The following LMCD1 variants were observed in gnomAD, a reference collection of about 807,000 sequenced individuals.
LMCD1 encodes LIM and cysteine rich domains 1, also known as LIM and cysteine-rich domains protein 1.
A neutral mutation model predicts 42.7 loss-of-function variants in LMCD1; 32 were observed. That is an observed-to-expected ratio of 0.75 (90% CI 0.57 to 1.01). The LOEUF (loss-of-function observed/expected upper bound fraction) is 1.01, where lower values mean the gene tolerates loss of function less well. LMCD1 is among the 50% of genes least tolerant of loss of function. The probability of loss-of-function intolerance (pLI) is 0.00; values close to 1 mark genes in which losing one functional copy is unlikely to be tolerated. For synonymous variants in LMCD1, 178 were observed against 184.9 expected (o/e 0.96, Z 0.30); for missense variants, 458 against 483.1 (o/e 0.95, Z 0.49).
chr3:8,544,080 G>A (rs537767788), intron 3 of LMCD1, among the ~76,000 whole-genome samples: 8 of 152,270 alleles, frequency 5.3e-5, no homozygotes, highest in Admixed American at 4.6e-4. Flanking sequence ...CTCTTTGACA[G>A]GAATCCACCG....
intron 3 of LMCD1, among the ~76,000 whole-genome samples, chr3:8,541,963 T>G (rs1270102356): frequency 6.7e-6 from 1 of 148,706 alleles, no homozygotes; most frequent in Non-Finnish European, 1.5e-5. Context: ...GGCAGCTGGA[T>G]GCAGTGGCAT....
At chr3:8,558,165 G>A (rs1185080794) in intron 4 of LMCD1, among the ~76,000 whole-genome samples, 1 of 152,208 alleles carries the variant, frequency 6.6e-6, no homozygotes, top group Non-Finnish European at 1.5e-5. Flanking sequence ...TCACTAAGGT[G>A]GGACCATATT....
intron 1 of LMCD1, among the ~76,000 whole-genome samples, chr3:8,511,891 A>G (rs1227117140): frequency 6.6e-6 from 1 of 152,198 alleles, no homozygotes; most frequent in African/African-American, 2.4e-5. Flanking sequence ...CAAGCCCTGC[A>G]ATGGAGTTCC....
intron 1 of LMCD1, among the ~76,000 whole-genome samples, chr3:8,502,996 A>T (rs1164438586): frequency 6.6e-6 from 1 of 152,096 alleles, no homozygotes; most frequent in Admixed American, 6.6e-5. Flanking sequence ...ACTGCACATG[A>T]TTCACCAGGT....
At chr3:8,539,327 G>A (rs1267768823) in intron 3 of LMCD1, among the ~76,000 whole-genome samples, 3 of 152,152 alleles carry the variant, frequency 2.0e-5, no homozygotes, top group Admixed American at 1.3e-4. Context: ...CAGCATCCAT[G>A]GACTCGATCA....
intron 1 of LMCD1, among the ~76,000 whole-genome samples, chr3:8,524,180 G>GA (rs1253205861): frequency 9.9e-6 from 1 of 100,612 alleles, no homozygotes; most frequent in Non-Finnish European, 2.0e-5. Context: ...GCACTCCCCA[G>GA]AAAAATCATA....
chr3:8,521,034 G>A (rs542731199), intron 1 of LMCD1, among the ~76,000 whole-genome samples: 6 of 152,338 alleles, frequency 3.9e-5, no homozygotes, highest in African/African-American at 1.2e-4. Context: ...AGCAGTGTCT[G>A]TAGCTAGTTC....
intron 1 of LMCD1, among the ~76,000 whole-genome samples, chr3:8,528,677 A>C (rs1292874959): frequency 6.6e-6 from 1 of 152,186 alleles, no homozygotes; most frequent in Non-Finnish European, 1.5e-5. Context: ...TCTAATTCCA[A>C]ATCCCATGCT....
chr3:8,518,433 A>G (rs1254573127), intron 1 of LMCD1, among the ~76,000 whole-genome samples: 1 of 152,222 alleles, frequency 6.6e-6, no homozygotes, highest in Non-Finnish European at 1.5e-5. Flanking sequence ...TCAGAGGGTC[A>G]TCTCCTGCCT....
chr3:8,504,897 G>A (rs145937047), intron 1 of LMCD1, among the ~76,000 whole-genome samples: 2,646 of 152,324 alleles, frequency 0.017, 39 homozygotes, highest in Middle Eastern at 0.041. Context: ...TATTAGTGCA[G>A]GCTTTGGCTT....
intron 1 of LMCD1, among the ~76,000 whole-genome samples, chr3:8,520,951 A>G (rs1947220): frequency 0.39 from 60,001 of 152,088 alleles, 12,792 homozygotes; most frequent in Non-Finnish European, 0.49. Context: ...ATTCTGAAAC[A>G]GCGGAAAATG....
chr3:8,565,077 A>T (rs1203424893), intron 4 of LMCD1, among the ~76,000 whole-genome samples: 1 of 152,210 alleles, frequency 6.6e-6, no homozygotes, highest in Non-Finnish European at 1.5e-5. Flanking sequence ...AATTAAAAAA[A>T]TTTAAATTGT....
intron 3 of LMCD1, 119 bp from the exon 4 acceptor site, chr3:8,548,449 A>T: frequency 1.7e-6 from 1 of 585,230 alleles, no homozygotes; most frequent in South Asian, 3.8e-5. Context: ...TGGGTCTTTC[A>T]GTTGCTGAGA....
intron 5 of LMCD1, among the ~76,000 whole-genome samples, chr3:8,566,432 G>A (rs187523017): frequency 6.7e-4 from 102 of 152,172 alleles, no homozygotes; most frequent in African/African-American, 2.3e-3. Flanking sequence ...CACCTTCTAC[G>A]AATTGGTCAC....
intron 4 of LMCD1, among the ~76,000 whole-genome samples, chr3:8,564,725 A>C (rs949168805): frequency 6.6e-6 from 1 of 152,370 alleles, no homozygotes. Context: ...TAACTTGAGA[A>C]AGTATCCTGT....
intron 1 of LMCD1, among the ~76,000 whole-genome samples, chr3:8,508,992 G>T (rs1422048990): frequency 6.6e-6 from 1 of 152,218 alleles, no homozygotes; most frequent in African/African-American, 2.4e-5. Context: ...TCTTCAATTT[G>T]CCAGGTCTGC....
intron 4 of LMCD1, among the ~76,000 whole-genome samples, chr3:8,556,208 ATCC>A (rs1694931245): frequency 6.6e-6 from 1 of 152,190 alleles, no homozygotes; most frequent in South Asian, 2.1e-4. Context: ...AAAGTATATC[ATCC>A]TCCTTTTTAC....
At chr3:8,508,011 C>T (rs893552615) in intron 1 of LMCD1, among the ~76,000 whole-genome samples, 3 of 152,156 alleles carry the variant, frequency 2.0e-5, no homozygotes, top group African/African-American at 7.2e-5. Flanking sequence ...TGGTCACCAC[C>T]AGGAGTATAC....
At position 8,519,007 on chromosome 3, in the gene LMCD1, A is replaced by T. The variant is rs577997690; in HGVS notation, c.43-13730A>T. On this transcript the variant is annotated intron_variant, in intron 1 of 5. Coordinates refer to ENST00000157600, the MANE Select transcript of LMCD1 (RefSeq NM_014583.4). ...GCATAGATGAAGCATAGATGAGGGCATGGGTGAAGCATAGATGAAGGTGTT... is the reference window on the plus strand; with the variant it reads ...GCATAGATGAAGCATAGATGAGGGCTTGGGTGAAGCATAGATGAAGGTGTT... Among the ~76,000 whole-genome samples the T allele has an allele frequency of 6.6e-5, 10 of 152,316 alleles. No homozygotes were observed. In the South Asian group the frequency reaches 1.9e-3, roughly 28 times the overall value.
Sources: allele counts gnomAD v4.1 joint callset (sites outside exome capture counted in the v4.1 genomes callset), GRCh38; gene constraint gnomAD v4.1.1; transcripts MANE v1.5; gene names NCBI Gene and HGNC (gene_info 2026-07-23, HGNC 2026-07-21).